TLK2: variants seen among roughly 807,000 people sequenced by gnomAD.
TLK2 encodes the protein tousled like kinase 2.
TLK2 carries 6 observed loss-of-function variants against 117.3 expected under a neutral mutation model. The observed-to-expected ratio is 0.05, with a 90% CI of 0.03 to 0.10. The LOEUF is 0.10. Ranked by LOEUF, TLK2 falls within the 10% of genes least tolerant of loss-of-function variation. TLK2 has a pLI of 1.00. For missense variants in TLK2, 299 were observed against 901.2 expected, an observed-to-expected ratio of 0.33 and a Z score of 8.56; for synonymous variants, 257 against 316.7, an observed-to-expected ratio of 0.81 and a Z score of 2.00.
At chr17:62,508,458 A>T in intron 2 of TLK2, 2 of 978,616 alleles carry the variant, frequency 2.0e-6, no homozygotes, top group South Asian at 9.5e-5. Context: ...GAAGAAATAA[A>T]TACATTGCAA....
At chr17:62,591,354 AT>A (rs199958428) in intron 16 of TLK2, among the ~76,000 whole-genome samples, 4 of 150,778 alleles carry the variant, frequency 2.7e-5, no homozygotes, top group Non-Finnish European at 4.4e-5. Context: ...AATATATGTA[AT>A]TTAAAAAAAA....
At position 62,488,213 on chromosome 17, in the gene TLK2, C is replaced by T. The variant is rs569736087; in HGVS notation, c.81+7007C>T. On this transcript the variant is annotated intron_variant, in intron 2 of 21. Coordinates refer to ENST00000346027, the MANE Select transcript of TLK2 (RefSeq NM_006852.6). ...CCTCCCAAAGTGCTGGGATTACAGG[C>T]GTCAGCCACCGTGCCCGGGCCAAGG... 2.4e-4 allele frequency among the ~76,000 whole-genome samples: 36 copies of T among 152,286 alleles called. No homozygotes were observed. In the South Asian group the frequency reaches 2.5e-3, roughly 11 times the overall value.
intron 5 of TLK2, among the ~76,000 whole-genome samples, chr17:62,523,616 C>T (rs2145585027): frequency 6.6e-6 from 1 of 152,300 alleles, no homozygotes; most frequent in African/African-American, 2.4e-5. Context: ...TTTGCCTTTA[C>T]TGTACTCTTC....
Position 62,606,157 on chromosome 17 carries a change from TG to T in TLK2, c.1890del (p.Glu632AsnfsTer16). 1 of 1,583,102 alleles carries T rather than the reference TG, an allele frequency of 6.3e-7. No individual in the cohort carries two copies. Among genetic ancestry groups the T allele is most frequent in the Non-Finnish European group, 8.6e-7 (1 of 1,159,608 alleles). On this transcript the variant is annotated frameshift_variant, in exon 20 of 22. Transcript: ENST00000346027. LOFTEE classifies it high-confidence loss of function. The part of the protein sequence containing the change: ...WYLPPECFVV[G>X]KEPPKISNKV... ...ATTTACCACCAGAGTGTTTTGTGGT[TG>T]GGAAAGAACCACCAAAGATCTCAAA... is the stretch of plus-strand genomic sequence containing the variant.
intron 7 of TLK2, chr17:62,550,951 T>A (rs1280751754): frequency 6.6e-6 from 1 of 152,358 alleles, no homozygotes; most frequent in African/African-American, 2.4e-5. Context: ...CCTGAGTAGC[T>A]GGGATTACAG....
In TLK2 at chr17:62,479,191, G is replaced by C. The variant is rs1015962773; in HGVS notation, c.-105G>C. ...GGCGCTCAGGAGAGGCCCCGGCTCCGCCCCGGGCCTGCCCAGGGGGAGAGC... is the reference window on the plus strand; with the variant it reads ...GGCGCTCAGGAGAGGCCCCGGCTCCCCCCCGGGCCTGCCCAGGGGGAGAGC... On this transcript the variant is annotated 5_prime_UTR_variant, in exon 1 of 22. Coordinates refer to ENST00000346027, the MANE Select transcript of TLK2 (RefSeq NM_006852.6). The C allele has an allele frequency of 3.9e-5, 6 of 151,944 alleles. No individual in the cohort carries two copies. The highest frequency in any genetic ancestry group is 1.5e-4 in the African/African-American group (6 of 41,306). The allele number at this position is 151,944 out of a possible 1,614,324, so 9.4% of individuals were successfully genotyped here.
chr17:62,570,804 G>A (rs1598658184), intron 11 of TLK2, among the ~76,000 whole-genome samples: 2 of 152,240 alleles, frequency 1.3e-5, no homozygotes, highest in South Asian at 4.1e-4. Context: ...AATCTGAAGA[G>A]ATTAAACATA....
intron 15 of TLK2, among the ~76,000 whole-genome samples, chr17:62,583,935 A>T (rs2081400332): frequency 6.6e-6 from 1 of 151,902 alleles, no homozygotes; most frequent in African/African-American, 2.4e-5. Context: ...CATTTAATGT[A>T]GTTTTTCTTT....
Position 62,510,423 on chromosome 17 carries a change from A to G in TLK2, c.82-10350A>G, listed in dbSNP as rs569007147. ...TGACTGTGTGACCTTGAATGAGTTT[A>G]CTGATCTTCTTATGCTTTCCTCATC... On this transcript the variant is annotated intron_variant, in intron 2 of 21. Transcript: ENST00000346027. 4.8e-4 allele frequency among the ~76,000 whole-genome samples: 73 copies of G among 152,330 alleles called. 1 individual carries two copies. In the South Asian group the frequency reaches 0.015, roughly 31 times the overall value.
intron 13 of TLK2, among the ~76,000 whole-genome samples, chr17:62,576,979 T>TTTTTTTTTTC (rs2080846175): frequency 6.7e-6 from 1 of 148,478 alleles, no homozygotes; most frequent in African/African-American, 2.5e-5. Flanking sequence ...TTTTTTTTTT[T>TTTTTTTTTTC]TGAGTTGGAG....
intron 9 of TLK2, among the ~76,000 whole-genome samples, chr17:62,554,373 G>C (rs2078691736): frequency 6.6e-6 from 1 of 152,060 alleles, no homozygotes; most frequent in African/African-American, 2.4e-5. Flanking sequence ...TCAGGAGTTT[G>C]GGACCACCCT....
In TLK2 at chr17:62,607,234, C is replaced by T. The variant is rs140817431; in HGVS notation, c.1972-807C>T. On this transcript the variant is annotated intron_variant, in intron 20 of 21. Coordinates refer to ENST00000346027, the MANE Select transcript of TLK2 (RefSeq NM_006852.6). ...AAGAGTTTATTAGAAAATGGCAGCT[C>T]GGTGACCAGGCGTGGTGGCTCACAC... is the stretch of plus-strand genomic sequence containing the variant. Among the ~76,000 whole-genome samples the T allele has an allele frequency of 1.9e-3, 295 of 151,740 alleles. 8 individuals are homozygous for T. Among genetic ancestry groups the T allele is most frequent in the Non-Finnish European group, 8.2e-4 (56 of 67,918 alleles).
At chr17:62,597,744 T>TA (rs1441839642) in intron 17 of TLK2, among the ~76,000 whole-genome samples, 1 of 152,200 alleles carries the variant, frequency 6.6e-6, no homozygotes, top group Non-Finnish European at 1.5e-5. Context: ...CCAGAGAAGT[T>TA]AAATAACTTG....
chr17:62,603,901 A>G (rs2083055985), intron 19 of TLK2, among the ~76,000 whole-genome samples: 1 of 152,154 alleles, frequency 6.6e-6, no homozygotes, highest in Admixed American at 6.6e-5. Context: ...AATAATCCTG[A>G]AGGGTATAAC....
At chr17:62,583,037 G>T (rs899968716) in intron 15 of TLK2, among the ~76,000 whole-genome samples, 7 of 151,946 alleles carry the variant, frequency 4.6e-5, no homozygotes, top group African/African-American at 1.5e-4. Flanking sequence ...TGGACACTTG[G>T]GTTGCTTCCA....
intron 6 of TLK2, among the ~76,000 whole-genome samples, chr17:62,531,457 A>G (rs1166287884): frequency 6.6e-6 from 1 of 152,226 alleles, no homozygotes; most frequent in Non-Finnish European, 1.5e-5. Flanking sequence ...AAAATATGGT[A>G]GACACAATTA....
chr17:62,554,591 A>T (rs1408904861), intron 9 of TLK2, among the ~76,000 whole-genome samples: 2 of 152,118 alleles, frequency 1.3e-5, no homozygotes, highest in Admixed American at 6.6e-5. Context: ...CAAGAAAAAA[A>T]TAAGAAAGTA....
At chr17:62,563,825 G>C (rs1294508431) in intron 10 of TLK2, among the ~76,000 whole-genome samples, 3 of 152,090 alleles carry the variant, frequency 2.0e-5, no homozygotes, top group African/African-American at 7.2e-5. Context: ...ATGTTCTCAA[G>C]AATCAGGAGT....
intron 7 of TLK2, among the ~76,000 whole-genome samples, chr17:62,538,871 T>C (rs1235773050): frequency 6.6e-6 from 1 of 152,176 alleles, no homozygotes; most frequent in Non-Finnish European, 1.5e-5. Context: ...AGTATTAATA[T>C]ACAAGTGTAA....
Sources: allele counts gnomAD v4.1 joint callset (sites outside exome capture counted in the v4.1 genomes callset), GRCh38; gene constraint gnomAD v4.1.1; transcripts MANE v1.5; gene names NCBI Gene and HGNC (gene_info 2026-07-23, HGNC 2026-07-21).